SORCS3: variants seen among roughly 807,000 people sequenced by gnomAD.
The protein encoded by SORCS3 is VPS10 domain-containing receptor SorCS3.
SORCS3 carries 57 observed loss-of-function variants against 146.3 expected under a neutral mutation model. That is an observed-to-expected ratio of 0.39 (90% confidence interval 0.31 to 0.49). The LOEUF (loss-of-function observed/expected upper bound fraction) is 0.49, where lower values mean the gene tolerates loss of function less well. Among genes scored for constraint, SORCS3 ranks in the 20% least tolerant of loss-of-function variants. The pLI is 0.92. For missense variants in SORCS3, 1,341 were observed against 1,575.5 expected (o/e 0.85, Z 2.52); for synonymous variants, 653 against 618.5 (o/e 1.06, Z -0.83).
chr10:105,033,926 A>T (rs569278271), intron 4 of SORCS3, among the ~76,000 whole-genome samples: 87 of 152,292 alleles, frequency 5.7e-4, no homozygotes, highest in Non-Finnish European at 9.4e-4. Flanking sequence ...TCAGGTAGAA[A>T]GAATAGACCT....
chr10:104,825,766 A>G (rs1289913256), intron 1 of SORCS3, among the ~76,000 whole-genome samples: 1 of 152,152 alleles, frequency 6.6e-6, no homozygotes, highest in Non-Finnish European at 1.5e-5. Context: ...TACCTAAATC[A>G]TTTCCAAGAA....
chr10:105,023,541 G>T (rs988336052), intron 4 of SORCS3, among the ~76,000 whole-genome samples: 12 of 151,910 alleles, frequency 7.9e-5, no homozygotes, highest in East Asian at 1.9e-4. Context: ...CAGAGCAGTG[G>T]TTTTTTTTGT....
At chr10:104,703,793 A>G (rs954562403) in intron 1 of SORCS3, among the ~76,000 whole-genome samples, 3 of 151,418 alleles carry the variant, frequency 2.0e-5, no homozygotes, top group African/African-American at 7.3e-5. Context: ...TTCACTTCTG[A>G]AAGAAATCAG....
In SORCS3 at chr10:105,188,455, G is replaced by C. The variant is rs555664384; in HGVS notation, c.2009+10282G>C. On this transcript the variant is annotated intron_variant, in intron 14 of 26. Coordinates refer to ENST00000369701, the MANE Select transcript of SORCS3 (RefSeq NM_014978.3). Reference sequence around the variant, plus strand: ...AGGTTGTGATCTGGAGGAAGAAAGAGCCTCAACTGTGTACCATCACTTCCC... The same window carrying C: ...AGGTTGTGATCTGGAGGAAGAAAGACCCTCAACTGTGTACCATCACTTCCC... Among the ~76,000 whole-genome samples, 11 of 152,252 alleles carry C rather than the reference G, an allele frequency of 7.2e-5. No individual in the cohort carries two copies. In the South Asian group the frequency reaches 2.3e-3, roughly 32 times the overall value.
At chr10:105,153,786 C>T (rs888894104) in intron 9 of SORCS3, among the ~76,000 whole-genome samples, 9 of 151,792 alleles carry the variant, frequency 5.9e-5, no homozygotes, top group Non-Finnish European at 1.0e-4. Context: ...AATGAAACTT[C>T]GAGGCTGGGC....
At chr10:104,706,201 CTTTTTTTTTTTTTTTTT>C (rs1162969172) in intron 1 of SORCS3, among the ~76,000 whole-genome samples, 1 of 85,874 alleles carries the variant, frequency 1.2e-5, no homozygotes, top group Non-Finnish European at 2.1e-5. Context: ...TTTTCTTCTT[CTTTTTTTTTTTTTTTTT>C]TTTTTTTTGA....
intron 2 of SORCS3, among the ~76,000 whole-genome samples, chr10:104,914,797 G>A (rs60214283): frequency 0.1 from 15,209 of 152,270 alleles, 837 homozygotes; most frequent in South Asian, 0.25. Context: ...TCAAAGCAAG[G>A]CTCAGAGCCA....
intron 4 of SORCS3, among the ~76,000 whole-genome samples, chr10:104,990,396 T>C (rs887027489): frequency 1.3e-5 from 2 of 152,184 alleles, no homozygotes; most frequent in Non-Finnish European, 2.9e-5. Context: ...ATAAACTACT[T>C]ACACTCTAGT....
intron 4 of SORCS3, 79 bp from the exon 5 acceptor site, chr10:105,042,976 G>A: frequency 8.0e-7 from 1 of 1,243,588 alleles, no homozygotes; most frequent in Non-Finnish European, 1.2e-6. Context: ...CTGGTGTTGG[G>A]ATGCTGCAGG....
At chr10:104,719,069 T>C (rs1470264884) in intron 1 of SORCS3, among the ~76,000 whole-genome samples, 1 of 152,164 alleles carries the variant, frequency 6.6e-6, no homozygotes, top group Non-Finnish European at 1.5e-5. Flanking sequence ...TATTTGAATG[T>C]GTAATTACTA....
chr10:104,979,605 C>A (rs2054921344), intron 4 of SORCS3, among the ~76,000 whole-genome samples: 3 of 151,976 alleles, frequency 2.0e-5, no homozygotes, highest in Admixed American at 6.6e-5. Flanking sequence ...GTGATGTCAG[C>A]ACCTTTAAAC....
chr10:104,733,496 C>T (rs56392008), intron 1 of SORCS3, among the ~76,000 whole-genome samples: 17 of 150,830 alleles, frequency 1.1e-4, no homozygotes, highest in South Asian at 4.2e-4. Flanking sequence ...ACTATAGATG[C>T]GCACCACCAT....
In SORCS3 at chr10:105,158,987, G is replaced by A; in HGVS notation, c.1725G>A (p.Val575=). The A allele has an allele frequency of 1.2e-6, 2 of 1,608,798 alleles. No homozygotes were observed. The highest frequency in any genetic ancestry group is 1.1e-5 in the South Asian group (1 of 90,794). Residue 575 remains valine, a synonymous_variant, in exon 11 of 27, where the codon GTG becomes GTA. Transcript: ENST00000369701. ...SSKETAPGLV[V]ATGNIGPELS... is the part of the protein sequence containing the mutation. ...AGGAGACAGCCCCAGGACTTGTGGT[G>A]GCTACAGGTAAGAAAAACATTCCCT...
intron 20 of SORCS3, among the ~76,000 whole-genome samples, chr10:105,229,357 T>G (rs2056754032): frequency 6.6e-6 from 1 of 152,196 alleles, no homozygotes; most frequent in Admixed American, 6.5e-5. Flanking sequence ...AATTGTTTTG[T>G]TTGATTGGGA....
At chr10:104,653,674 G>C (rs1284743970) in intron 1 of SORCS3, among the ~76,000 whole-genome samples, 3 of 152,132 alleles carry the variant, frequency 2.0e-5, no homozygotes, top group Non-Finnish European at 4.4e-5. Context: ...AAAATTGTTT[G>C]TGGGTACATA....
chr10:104,929,960 A>G (rs1407296851), intron 3 of SORCS3, among the ~76,000 whole-genome samples: 2 of 152,250 alleles, frequency 1.3e-5, no homozygotes, highest in African/African-American at 4.8e-5. Context: ...AAAATAAAGG[A>G]CAGTGACTGA....
At chr10:104,945,333 C>G (rs977797119) in intron 3 of SORCS3, among the ~76,000 whole-genome samples, 7 of 152,248 alleles carry the variant, frequency 4.6e-5, no homozygotes, top group Admixed American at 3.9e-4. Context: ...CTCAGGCTCA[C>G]TGCAACCTCC....
At chr10:104,680,623 A>G (rs1243414353) in intron 1 of SORCS3, among the ~76,000 whole-genome samples, 1 of 152,226 alleles carries the variant, frequency 6.6e-6, no homozygotes, top group Non-Finnish European at 1.5e-5. Flanking sequence ...CATAGAACCT[A>G]CTGTATAGGA....
At chr10:104,748,432 G>A (rs1414744085) in intron 1 of SORCS3, among the ~76,000 whole-genome samples, 1 of 152,062 alleles carries the variant, frequency 6.6e-6, no homozygotes, top group Non-Finnish European at 1.5e-5. Context: ...AAAAGCAATG[G>A]GAACCGTCTG....
Sources: allele counts gnomAD v4.1 joint callset (sites outside exome capture counted in the v4.1 genomes callset), GRCh38; gene constraint gnomAD v4.1.1; transcripts MANE v1.5; gene names NCBI Gene and HGNC (gene_info 2026-07-23, HGNC 2026-07-21).